Variants in LRMDA observed in about 807,000 individuals in gnomAD.
The protein encoded by LRMDA is leucine rich melanocyte differentiation associated, also known as leucine-rich melanocyte differentiation-associated protein.
Under a neutral mutation model 29.8 loss-of-function variants are expected in LRMDA, and 18 were observed. That is an observed-to-expected ratio of 0.60 (90% CI 0.42 to 0.90). LRMDA has a LOEUF of 0.90. LRMDA is among the 40% of genes least tolerant of loss of function. LRMDA has a pLI of 0.00. For synonymous variants in LRMDA, 125 were observed against 109.4 expected (o/e 1.14, Z -0.89); for missense variants, 273 against 273.9 (o/e 1.00, Z 0.02).
intron 5 of LRMDA, among the ~76,000 whole-genome samples, chr10:76,170,044 G>A (rs927858779): frequency 7.9e-5 from 12 of 152,082 alleles, no homozygotes; most frequent in South Asian, 2.1e-4. Context: ...TAAAATAATC[G>A]GAGGATTGGA....
intron 2 of LRMDA, among the ~76,000 whole-genome samples, chr10:75,462,047 A>C (rs1205741280): frequency 6.6e-6 from 1 of 152,262 alleles, no homozygotes; most frequent in African/African-American, 2.4e-5. Flanking sequence ...TTGAAACGAA[A>C]GTGCCTTAAA....
intron 2 of LRMDA, among the ~76,000 whole-genome samples, chr10:75,764,676 T>C (rs529778787): frequency 1.3e-5 from 2 of 152,270 alleles, no homozygotes; most frequent in South Asian, 2.1e-4. Flanking sequence ...AACAGACAGA[T>C]AGACGGGAGA....
At chr10:76,454,925 G>A (rs1842442416) in intron 6 of LRMDA, among the ~76,000 whole-genome samples, 1 of 152,188 alleles carries the variant, frequency 6.6e-6, no homozygotes, top group Admixed American at 6.5e-5. Context: ...CTGGGGCCAA[G>A]TTGTATTTCT....
intron 2 of LRMDA, among the ~76,000 whole-genome samples, chr10:75,568,288 G>A (rs1482633301): frequency 6.6e-6 from 1 of 152,180 alleles, no homozygotes; most frequent in Non-Finnish European, 1.5e-5. Flanking sequence ...ATTGTTGAAT[G>A]AATGTTGTTA....
At chr10:76,411,109 A>C (rs1841956554) in intron 6 of LRMDA, among the ~76,000 whole-genome samples, 1 of 152,200 alleles carries the variant, frequency 6.6e-6, no homozygotes, top group Non-Finnish European at 1.5e-5. Context: ...CATGAGAGGA[A>C]ATTTTTATGC....
intron 6 of LRMDA, among the ~76,000 whole-genome samples, chr10:76,356,834 G>A (rs1267930636): frequency 6.6e-6 from 1 of 152,148 alleles, no homozygotes; most frequent in Non-Finnish European, 1.5e-5. Flanking sequence ...AGGAATTTCA[G>A]CGTGTCTTCC....
intron 2 of LRMDA, among the ~76,000 whole-genome samples, chr10:75,546,316 A>G (rs956542175): frequency 2.0e-5 from 3 of 152,190 alleles, no homozygotes; most frequent in Non-Finnish European, 4.4e-5. Context: ...GCCTTCAAAG[A>G]TCATGTTTTT....
chr10:76,164,385 A>G (rs539773777), intron 5 of LRMDA, among the ~76,000 whole-genome samples: 1 of 152,346 alleles, frequency 6.6e-6, no homozygotes, highest in East Asian at 1.9e-4. Flanking sequence ...AGTAGTCTCG[A>G]GAAAGACAGT....
At chr10:76,021,891 A>G (rs540447508) in intron 2 of LRMDA, among the ~76,000 whole-genome samples, 2 of 152,268 alleles carry the variant, frequency 1.3e-5, no homozygotes, top group South Asian at 2.1e-4. Flanking sequence ...GGGGGAAGAT[A>G]TTTTTTCAAT....
intron 6 of LRMDA, among the ~76,000 whole-genome samples, chr10:76,522,434 T>C (rs1279163896): frequency 1.3e-5 from 2 of 152,188 alleles, no homozygotes; most frequent in African/African-American, 2.4e-5. Flanking sequence ...AGGGATATGA[T>C]AAACAGTCAA....
intron 6 of LRMDA, among the ~76,000 whole-genome samples, chr10:76,431,326 A>G (rs1357516960): frequency 6.6e-6 from 1 of 152,204 alleles, no homozygotes; most frequent in African/African-American, 2.4e-5. Context: ...TTGAAAAGCA[A>G]CTTTGCTGAC....
intron 2 of LRMDA, among the ~76,000 whole-genome samples, chr10:75,759,004 A>G (rs1176045168): frequency 6.6e-6 from 1 of 151,774 alleles, no homozygotes; most frequent in African/African-American, 2.4e-5. Context: ...GGGTACATTT[A>G]CACCTATGGG....
chr10:76,321,127 A>G (rs1004239777), intron 5 of LRMDA, among the ~76,000 whole-genome samples: 3 of 152,174 alleles, frequency 2.0e-5, no homozygotes, highest in African/African-American at 7.2e-5. Flanking sequence ...TTCTTCTGTT[A>G]TAAATAATGC....
At chr10:75,614,748 A>G (rs1841077818) in intron 2 of LRMDA, among the ~76,000 whole-genome samples, 1 of 151,594 alleles carries the variant, frequency 6.6e-6, no homozygotes, top group South Asian at 2.1e-4. Context: ...ACTGTTTAAT[A>G]TACAAGGAGG....
chr10:75,940,769 G>GGTGT (rs143463038), intron 2 of LRMDA, among the ~76,000 whole-genome samples: 1 of 151,476 alleles, frequency 6.6e-6, no homozygotes, highest in South Asian at 2.1e-4. Context: ...AAATTTATGG[G>GGTGT]GTGTGTGTGT....
chr10:76,282,206 A>T (rs1840214933), intron 5 of LRMDA, among the ~76,000 whole-genome samples: 1 of 152,240 alleles, frequency 6.6e-6, no homozygotes, highest in Non-Finnish European at 1.5e-5. Context: ...ACTGACCTGC[A>T]GTATATTCAG....
chr10:75,733,492 C>G (rs1312748680), intron 2 of LRMDA, among the ~76,000 whole-genome samples: 1 of 152,204 alleles, frequency 6.6e-6, no homozygotes, highest in East Asian at 1.9e-4. Flanking sequence ...GCCCTAACTT[C>G]ATGAGCAAAC....
chr10:75,622,967 T>C (rs1841206265), intron 2 of LRMDA, among the ~76,000 whole-genome samples: 1 of 152,218 alleles, frequency 6.6e-6, no homozygotes, highest in Admixed American at 6.5e-5. Context: ...TATTTTGTTA[T>C]ACAGTACCCA....
intron 2 of LRMDA, among the ~76,000 whole-genome samples, chr10:75,759,700 A>G (rs1843072557): frequency 6.6e-6 from 1 of 152,192 alleles, no homozygotes; most frequent in East Asian, 1.9e-4. Flanking sequence ...GATCATTTAG[A>G]TAAAGACAAG....
Sources: allele counts gnomAD v4.1 joint callset (sites outside exome capture counted in the v4.1 genomes callset), GRCh38; gene constraint gnomAD v4.1.1; transcripts MANE v1.5; gene names NCBI Gene and HGNC (gene_info 2026-07-23, HGNC 2026-07-21).